Variants in SGCZ observed in about 807,000 individuals in gnomAD.
SGCZ encodes the protein sarcoglycan zeta, also known as zeta-sarcoglycan.
In SGCZ, 40 loss-of-function variants were observed where a neutral mutation model predicts 41.3. That is an observed-to-expected ratio of 0.97 (90% CI 0.75 to 1.26). SGCZ has a LOEUF of 1.26. Ranked by LOEUF, SGCZ falls within the 50% of genes most tolerant of loss-of-function variation. SGCZ has a pLI of 0.00. For synonymous variants in SGCZ, 206 were observed against 137.5 expected (o/e 1.50, Z -3.49); for missense variants, 552 against 369.8 (o/e 1.49, Z -4.04).
intron 5 of SGCZ, among the ~76,000 whole-genome samples, chr8:14,127,738 G>A (rs1319893019): frequency 1.3e-5 from 2 of 152,142 alleles, no homozygotes; most frequent in South Asian, 2.1e-4. Context: ...TTACATGCAT[G>A]AGCCACCGCG....
At chr8:14,286,293 G>T (rs1450999315) in intron 3 of SGCZ, among the ~76,000 whole-genome samples, 1 of 151,964 alleles carries the variant, frequency 6.6e-6, no homozygotes, top group East Asian at 1.9e-4. Flanking sequence ...GCTAAGATCT[G>T]GTTTAAAAAT....
intron 1 of SGCZ, among the ~76,000 whole-genome samples, chr8:15,158,279 T>G (rs1799397207): frequency 6.6e-6 from 1 of 152,186 alleles, no homozygotes; most frequent in African/African-American, 2.4e-5. Context: ...TATCCATTTT[T>G]CCCAGTTCTA....
intron 2 of SGCZ, among the ~76,000 whole-genome samples, chr8:14,480,245 AATATATT>A (rs1801498648): frequency 6.6e-6 from 1 of 152,216 alleles, no homozygotes; most frequent in Non-Finnish European, 1.5e-5. Flanking sequence ...TGCCAAGTGT[AATATATT>A]CTAGTACATT....
intron 1 of SGCZ, among the ~76,000 whole-genome samples, chr8:15,199,928 G>T (rs987426060): frequency 6.6e-6 from 1 of 152,044 alleles, no homozygotes; most frequent in African/African-American, 2.4e-5. Flanking sequence ...AAAATGTAAG[G>T]GCCAATTACA....
intron 2 of SGCZ, among the ~76,000 whole-genome samples, chr8:14,348,090 A>G (rs900972895): frequency 1.3e-5 from 2 of 151,944 alleles, no homozygotes; most frequent in African/African-American, 2.4e-5. Flanking sequence ...CTTCTCCCCA[A>G]CCCAAGGATT....
intron 1 of SGCZ, among the ~76,000 whole-genome samples, chr8:15,065,148 C>T (rs563096191): frequency 4.5e-4 from 68 of 152,226 alleles, no homozygotes; most frequent in African/African-American, 1.6e-3. Flanking sequence ...TCCAACAAGA[C>T]GGAACTGCTT....
At chr8:14,377,775 C>T (rs1312545302) in intron 2 of SGCZ, among the ~76,000 whole-genome samples, 13 of 150,980 alleles carry the variant, frequency 8.6e-5, no homozygotes, top group South Asian at 4.2e-4. Context: ...TGAGAATATG[C>T]GGTGTTTGGT....
At chr8:14,892,864 T>C (rs1563343847) in intron 1 of SGCZ, among the ~76,000 whole-genome samples, 2 of 152,172 alleles carry the variant, frequency 1.3e-5, no homozygotes, top group Non-Finnish European at 2.9e-5. Flanking sequence ...TCCAAATCTA[T>C]CATTCTATGG....
intron 2 of SGCZ, among the ~76,000 whole-genome samples, chr8:14,538,764 G>A (rs1803371675): frequency 6.6e-6 from 1 of 151,892 alleles, no homozygotes; most frequent in South Asian, 2.1e-4. Flanking sequence ...TGTAAAAGAT[G>A]CTATATGCTG....
At chr8:14,193,695 G>A (rs938913908) in intron 4 of SGCZ, among the ~76,000 whole-genome samples, 3 of 151,958 alleles carry the variant, frequency 2.0e-5, no homozygotes, top group Admixed American at 2.0e-4. Context: ...TTCTGAAATA[G>A]CATAAAGATA....
chr8:14,113,469 C>T (rs1354047164), intron 5 of SGCZ, among the ~76,000 whole-genome samples: 7 of 151,982 alleles, frequency 4.6e-5, no homozygotes, highest in African/African-American at 1.2e-4. Flanking sequence ...TGTATTCTTG[C>T]GCACCACATG....
At chr8:14,543,070 G>C (rs972112026) in intron 2 of SGCZ, among the ~76,000 whole-genome samples, 4 of 151,686 alleles carry the variant, frequency 2.6e-5, no homozygotes, top group Admixed American at 2.0e-4. Context: ...TAATCTGTCT[G>C]TTCTGCTTGG....
At chr8:14,983,990 C>T (rs767333675) in intron 1 of SGCZ, among the ~76,000 whole-genome samples, 11 of 152,106 alleles carry the variant, frequency 7.2e-5, no homozygotes, top group African/African-American at 9.7e-5. Context: ...CCAATCAGTA[C>T]TTAACATTTA....
intron 1 of SGCZ, among the ~76,000 whole-genome samples, chr8:14,676,178 G>A (rs1397707903): frequency 6.6e-6 from 1 of 152,138 alleles, no homozygotes; most frequent in Non-Finnish European, 1.5e-5. Context: ...CTAGACTACA[G>A]GCTATTCTGT....
intron 1 of SGCZ, among the ~76,000 whole-genome samples, chr8:15,004,175 C>G (rs1218172625): frequency 1.3e-5 from 2 of 152,084 alleles, no homozygotes; most frequent in African/African-American, 4.8e-5. Context: ...TAGATACATG[C>G]TGTTAAGGAC....
intron 2 of SGCZ, among the ~76,000 whole-genome samples, chr8:14,436,923 C>G (rs1800110063): frequency 1.3e-5 from 2 of 151,524 alleles, no homozygotes; most frequent in South Asian, 4.1e-4. Flanking sequence ...AAAGCTTTTC[C>G]CTTTGAGCTC....
chr8:15,026,656 A>G (rs1803468343), intron 1 of SGCZ, among the ~76,000 whole-genome samples: 1 of 152,156 alleles, frequency 6.6e-6, no homozygotes, highest in South Asian at 2.1e-4. Context: ...TGAGAGATTC[A>G]TTGTCCAAGC....
intron 5 of SGCZ, among the ~76,000 whole-genome samples, chr8:14,124,876 G>T (rs1360560408): frequency 6.6e-6 from 1 of 152,056 alleles, no homozygotes; most frequent in Non-Finnish European, 1.5e-5. Context: ...ATACATTCAT[G>T]TGATGACACA....
At chr8:14,839,226 G>A (rs1269447777) in intron 1 of SGCZ, among the ~76,000 whole-genome samples, 1 of 151,990 alleles carries the variant, frequency 6.6e-6, no homozygotes, top group African/African-American at 2.4e-5. Flanking sequence ...TTGATATGGG[G>A]TATAGAAAGA....
Sources: gnomAD v4.1 joint callset for allele counts (sites outside exome capture counted in the v4.1 genomes callset) on GRCh38, gnomAD v4.1.1 for gene constraint, MANE v1.5 for transcripts, NCBI Gene and HGNC (gene_info 2026-07-23, HGNC 2026-07-21) for gene names.